ANTXR1: variants seen among roughly 807,000 people sequenced by gnomAD.
The protein encoded by ANTXR1 is anthrax toxin receptor 1.
In ANTXR1, 19 loss-of-function variants were observed where a neutral mutation model predicts 78.1. The observed-to-expected ratio is 0.24, with a 90% CI of 0.17 to 0.36. The LOEUF is 0.36. ANTXR1 is among the 10% of genes least tolerant of loss of function. The pLI, the probability that ANTXR1 is intolerant of heterozygous loss-of-function variation, is 1.00. For missense variants in ANTXR1, 518 were observed against 718.6 expected, an observed-to-expected ratio of 0.72 and a Z score of 3.19; for synonymous variants, 273 against 260.5, an observed-to-expected ratio of 1.05 and a Z score of -0.46.
chr2:69,073,135 C>T, intron 6 of ANTXR1, 34 bp downstream of exon 6: 1 of 1,600,170 alleles, frequency 6.2e-7, no homozygotes, highest in Non-Finnish European at 8.6e-7. Context: ...TAAACATATA[C>T]ATGGAACGGG....
chr2:69,063,415 C>A (rs1670304107), intron 3 of ANTXR1, among the ~76,000 whole-genome samples: 2 of 151,536 alleles, frequency 1.3e-5, no homozygotes, highest in Admixed American at 6.6e-5. Context: ...ACTTAAAATT[C>A]TATATCCAGT....
chr2:69,046,443 A>C (rs764969450), intron 3 of ANTXR1, among the ~76,000 whole-genome samples: 2 of 152,176 alleles, frequency 1.3e-5, no homozygotes, highest in Non-Finnish European at 2.9e-5. Context: ...CCTTAACGTC[A>C]CTACTGCTAG....
At chr2:69,201,961 G>A (rs1428631289) in intron 17 of ANTXR1, among the ~76,000 whole-genome samples, 1 of 152,140 alleles carries the variant, frequency 6.6e-6, no homozygotes, top group Non-Finnish European at 1.5e-5. Flanking sequence ...GTAGGGACCT[G>A]CGAGTACATG....
chr2:69,022,319 G>A (rs1360294046), intron 1 of ANTXR1, among the ~76,000 whole-genome samples: 2 of 152,196 alleles, frequency 1.3e-5, no homozygotes, highest in African/African-American at 4.8e-5. Context: ...TGGACTGTGG[G>A]ATGCTTTAGC....
chr2:69,170,145 T>G, intron 13 of ANTXR1, 103 bp from the exon 14 acceptor site: 1 of 1,292,696 alleles, frequency 7.7e-7, no homozygotes, highest in Non-Finnish European at 1.1e-6. Context: ...GCCATTGCCA[T>G]GGTAATTATG....
At chr2:69,232,482 A>G (rs1315917882) in intron 17 of ANTXR1, among the ~76,000 whole-genome samples, 1 of 151,004 alleles carries the variant, frequency 6.6e-6, no homozygotes, top group Non-Finnish European at 1.5e-5. Flanking sequence ...TAGGCGACAG[A>G]CCGAGAGCTT....
intron 1 of ANTXR1, among the ~76,000 whole-genome samples, chr2:69,032,202 T>A (rs913168374): frequency 6.6e-6 from 1 of 152,326 alleles, no homozygotes; most frequent in African/African-American, 2.4e-5. Context: ...TTCATAACCA[T>A]AATGACATTA....
At chr2:69,125,521 G>C (rs1394667299) in intron 12 of ANTXR1, among the ~76,000 whole-genome samples, 2 of 152,182 alleles carry the variant, frequency 1.3e-5, no homozygotes, top group Non-Finnish European at 2.9e-5. Context: ...TCAGGGGGCA[G>C]TCAGGGCTTA....
intron 3 of ANTXR1, among the ~76,000 whole-genome samples, chr2:69,067,406 C>T (rs1670430310): frequency 6.9e-6 from 1 of 144,598 alleles, no homozygotes; most frequent in African/African-American, 2.5e-5. Flanking sequence ...GGAAAAAATA[C>T]AGTGAAGCCA....
At position 69,172,350 on chromosome 2, in the gene ANTXR1, C is replaced by T. The variant is rs375091319; in HGVS notation, c.1089+2061C>T. 3.1e-6 allele frequency: 5 copies of T among 1,608,166 alleles called. No individual in the cohort carries two copies. The African/African-American group carries it at 5.3e-5, about 17-fold the overall frequency. On this transcript the variant is annotated intron_variant, in intron 14 of 17. Transcript: ENST00000303714. ...TGAGTTAGGCCACCTAATCTCCTTC[C>T]TAATGTATTTTGGCAGGAAAATAAA...
Position 69,181,791 on chromosome 2 carries a change from A to T in ANTXR1, c.1095A>T (p.Glu365Asp), listed in dbSNP as rs780421065. ...GTGCCACAATTTCTCTGCAGGAAGAAGATGATGATGGTCTGCCTAAGAAAA... is the reference window on the plus strand; with the variant it reads ...GTGCCACAATTTCTCTGCAGGAAGATGATGATGATGGTCTGCCTAAGAAAA... ...PPPPAEESEEEDDDGLPKKKW... is the reference protein window; with the variant it reads ...PPPPAEESEEDDDDGLPKKKW... Residue 365 changes from glutamate to aspartate, a missense_variant, in exon 15 of 18, where the codon GAA (glutamate) becomes GAT (aspartate). Physicochemically the swap from Glu to Asp is conservative, Grantham distance 45 (BLOSUM62 2). This residue lies in a region of ANTXR1 where 264 missense variants were observed against 391.8 expected (regional missense o/e 0.67). Coordinates refer to ENST00000303714, the MANE Select transcript of ANTXR1 (RefSeq NM_032208.3). The T allele has an allele frequency of 8.1e-6, 13 of 1,613,994 alleles. 1 individual carries two copies. The highest frequency in any genetic ancestry group is 4.0e-5 in the African/African-American group (3 of 74,942).
intron 1 of ANTXR1, among the ~76,000 whole-genome samples, chr2:69,015,103 A>G (rs1670983511): frequency 6.6e-6 from 1 of 152,000 alleles, no homozygotes; most frequent in Admixed American, 6.6e-5. Context: ...CAGAATCACC[A>G]TGTCTCTGAA....
At position 69,224,554 on chromosome 2, in the gene ANTXR1, G is replaced by A. The variant is rs764872479; in HGVS notation, c.1435-20671G>A. 1.2e-4 allele frequency among the ~76,000 whole-genome samples: 19 copies of A among 152,092 alleles called. 1 individual carries two copies. The South Asian group carries it at 2.5e-3, about 20-fold the overall frequency. ...CCTACTTCCAAGTTTCAGAACTTGG[G>A]CTTGCATTCCATTCCATCCCTAGGG... is the stretch of plus-strand genomic sequence containing the variant. On this transcript the variant is annotated intron_variant, in intron 17 of 17. Coordinates refer to ENST00000303714, the MANE Select transcript of ANTXR1 (RefSeq NM_032208.3).
At chr2:69,138,892 G>A (rs2104411147) in intron 12 of ANTXR1, among the ~76,000 whole-genome samples, 1 of 152,274 alleles carries the variant, frequency 6.6e-6, no homozygotes, top group South Asian at 2.1e-4. Context: ...TACCTGCATT[G>A]CCCAAATTTA....
At chr2:69,118,311 G>A (rs1672219420) in intron 10 of ANTXR1, among the ~76,000 whole-genome samples, 1 of 151,656 alleles carries the variant, frequency 6.6e-6, no homozygotes, top group African/African-American at 2.4e-5. Flanking sequence ...AGTGACTAGG[G>A]TGGGGTGGGT....
intron 17 of ANTXR1, among the ~76,000 whole-genome samples, chr2:69,207,007 T>C (rs527646038): frequency 6.6e-6 from 1 of 152,254 alleles, no homozygotes; most frequent in East Asian, 1.9e-4. Context: ...CATATGAAAA[T>C]GCCAATTTTA....
intron 17 of ANTXR1, among the ~76,000 whole-genome samples, chr2:69,226,150 C>A (rs747660184): frequency 6.6e-6 from 1 of 152,116 alleles, no homozygotes; most frequent in Non-Finnish European, 1.5e-5. Context: ...GGGGAGTGGG[C>A]CAAACCACGA....
intron 3 of ANTXR1, among the ~76,000 whole-genome samples, chr2:69,069,065 C>A (rs1273798686): frequency 6.6e-6 from 1 of 152,022 alleles, no homozygotes; most frequent in African/African-American, 2.4e-5. Context: ...TTAAATATTC[C>A]ACCTATGAAG....
rs944249992 is a variant in ANTXR1 at position 69,096,015 on chromosome 2, T to C, written c.703+5096T>C. Among the ~76,000 whole-genome samples the C allele has an allele frequency of 4.6e-5, 7 of 151,918 alleles. No homozygotes were observed. The East Asian group carries it at 1.4e-3, about 30-fold the overall frequency. On this transcript the variant is annotated intron_variant, in intron 9 of 17. Transcript: ENST00000303714. ...GGCTCACGCCTGTAATCCCAGCACT[T>C]TGGGAGGCCAAGGCAGGCAGATCAC...
Sources: allele counts gnomAD v4.1 joint callset (sites outside exome capture counted in the v4.1 genomes callset), GRCh38; gene constraint gnomAD v4.1.1; regional missense constraint gnomAD v4.1.1; transcripts MANE v1.5; gene names NCBI Gene and HGNC (gene_info 2026-07-23, HGNC 2026-07-21).